The following DLGAP2 variants were observed in gnomAD, a reference collection of about 807,000 sequenced individuals.
The protein encoded by DLGAP2 is disks large-associated protein 2.
In DLGAP2, 26 loss-of-function variants were observed where a neutral mutation model predicts 100.3. The ratio of observed to expected loss-of-function variants is 0.26; its 90% CI spans 0.19 to 0.36. The LOEUF (loss-of-function observed/expected upper bound fraction) is 0.36. DLGAP2 is among the 10% of genes least tolerant of loss of function. The pLI is 1.00. For missense variants in DLGAP2, 1,858 were observed against 1,453.2 expected (o/e 1.28, Z -4.53); for synonymous variants, 886 against 630.1 (o/e 1.41, Z -6.08).
intron 3 of DLGAP2, among the ~76,000 whole-genome samples, chr8:1,334,621 G>A (rs1389768560): frequency 6.6e-6 from 1 of 151,956 alleles, no homozygotes; most frequent in East Asian, 1.9e-4. Flanking sequence ...TGCACCCACC[G>A]TGGGCCATGC....
chr8:1,223,099 G>A (rs761680376), intron 2 of DLGAP2, among the ~76,000 whole-genome samples: 8 of 152,134 alleles, frequency 5.3e-5, no homozygotes, highest in Non-Finnish European at 1.0e-4. Context: ...TCTCCCATAG[G>A]TGGGATCGGG....
chr8:792,211 A>G (rs1051133739), intron 1 of DLGAP2, among the ~76,000 whole-genome samples: 6 of 152,230 alleles, frequency 3.9e-5, no homozygotes, highest in Non-Finnish European at 8.8e-5. Flanking sequence ...TTATTATTTC[A>G]TAAATCACCT....
chr8:1,041,553 A>G (rs1395851565), intron 2 of DLGAP2, among the ~76,000 whole-genome samples: 1,474 of 89,020 alleles, frequency 0.017, no homozygotes, highest in Middle Eastern at 0.056. Flanking sequence ...TGTTCTCCGA[A>G]CCCCTTGCCG....
chr8:1,513,366 T>G (rs1452520730), intron 4 of DLGAP2, among the ~76,000 whole-genome samples: 4 of 107,948 alleles, frequency 3.7e-5, no homozygotes, highest in Admixed American at 9.0e-5. Flanking sequence ...TGGGATACGC[T>G]ACTGCCTTTC....
At chr8:1,224,366 A>G (rs1798374007) in intron 2 of DLGAP2, among the ~76,000 whole-genome samples, 1 of 152,242 alleles carries the variant, frequency 6.6e-6, no homozygotes, top group Non-Finnish European at 1.5e-5. Flanking sequence ...CCAAGCACCA[A>G]GAACAGAGCC....
At chr8:789,096 A>T (rs1182053423) in intron 1 of DLGAP2, among the ~76,000 whole-genome samples, 3 of 152,234 alleles carry the variant, frequency 2.0e-5, no homozygotes. Context: ...CACAAAACAC[A>T]GTCAGAGGTG....
intron 3 of DLGAP2, among the ~76,000 whole-genome samples, chr8:1,457,653 T>C (rs192269867): frequency 1.7e-4 from 26 of 152,260 alleles, no homozygotes; most frequent in African/African-American, 5.8e-4. Flanking sequence ...AGGCAATTTT[T>C]CCTCACTATG....
rs188026856 is a variant in DLGAP2 at position 1,413,127 on chromosome 8, A to G, written c.107-88239A>G. Reference sequence around the variant, plus strand: ...TCTGGAACTCACAGCTTTGTGTTCTATTTGCCCCTCTGTGTTTTCTACTGG... The same window carrying G: ...TCTGGAACTCACAGCTTTGTGTTCTGTTTGCCCCTCTGTGTTTTCTACTGG... On this transcript the variant is annotated intron_variant, in intron 3 of 14. Coordinates refer to ENST00000637795, the MANE Select transcript of DLGAP2 (RefSeq NM_001346810.2). 1.1e-4 allele frequency among the ~76,000 whole-genome samples: 16 copies of G among 152,148 alleles called. No homozygotes were observed. The East Asian group carries it at 1.4e-3, about 13-fold the overall frequency.
Position 1,331,413 on chromosome 8 carries a change from C to T in DLGAP2, c.106+72530C>T, listed in dbSNP as rs74855066. On this transcript the variant is annotated intron_variant, in intron 3 of 14. Coordinates refer to ENST00000637795, the MANE Select transcript of DLGAP2 (RefSeq NM_001346810.2). ...TACGGACTCGAGCCTGAAATGTGTC[C>T]GTCCCTCCCCTTTGCAAACCTGCCC... Among the ~76,000 whole-genome samples the T allele has an allele frequency of 5.6e-4, 85 of 152,134 alleles. 2 individuals carry two copies. In the East Asian group the frequency reaches 0.015, roughly 27 times the overall value.
Position 847,643 on chromosome 8 carries a change from A to T in DLGAP2, c.19-60269A>T, listed in dbSNP as rs145990428. 5.8e-3 allele frequency among the ~76,000 whole-genome samples: 885 copies of T among 152,160 alleles called. 10 individuals carry two copies. Among genetic ancestry groups the T allele is most frequent in the African/African-American group, 0.02 (837 of 41,492 alleles). ...CACCTCAGCCTCCAGAGTAGCTGGG[A>T]CTATAGGCGCACGCAACCACACCTG... On this transcript the variant is annotated intron_variant, in intron 1 of 14. Coordinates refer to ENST00000637795, the MANE Select transcript of DLGAP2 (RefSeq NM_001346810.2).
intron 3 of DLGAP2, among the ~76,000 whole-genome samples, chr8:1,458,152 C>T (rs899295127): frequency 1.3e-5 from 2 of 151,274 alleles, no homozygotes; most frequent in African/African-American, 2.4e-5. Flanking sequence ...GTGATCCACC[C>T]GCCTCGGCCT....
intron 2 of DLGAP2, among the ~76,000 whole-genome samples, chr8:978,918 C>G (rs1222949471): frequency 6.6e-6 from 1 of 152,168 alleles, no homozygotes; most frequent in Non-Finnish European, 1.5e-5. Flanking sequence ...GCAAAAATAA[C>G]TCCGTAATCT....
Position 1,269,932 on chromosome 8 carries a change from C to A in DLGAP2, c.106+11049C>A, listed in dbSNP as rs139216673. On this transcript the variant is annotated intron_variant, in intron 3 of 14. Transcript: ENST00000637795. The stretch of plus-strand genomic sequence containing the variant: ...TAAATCTTCATCTCCTCTTCATGGA[C>A]CGTGGAGAGGCACATGCAGAATCCT... Among the ~76,000 whole-genome samples, 3 of 152,200 alleles carry A rather than the reference C, an allele frequency of 2.0e-5. No homozygotes were observed. The East Asian group carries it at 5.8e-4, about 29-fold the overall frequency.
At chr8:1,575,215 T>C (rs900593306) in intron 6 of DLGAP2, among the ~76,000 whole-genome samples, 2 of 152,142 alleles carry the variant, frequency 1.3e-5, no homozygotes, top group African/African-American at 4.8e-5. Flanking sequence ...TTGGCGATTG[T>C]GAGCAGTGCT....
chr8:1,163,016 G>A (rs979233303), intron 2 of DLGAP2, among the ~76,000 whole-genome samples: 1 of 152,206 alleles, frequency 6.6e-6, no homozygotes, highest in Admixed American at 6.5e-5. Context: ...TGGGAGCTTT[G>A]GTGTTTGGTG....
At chr8:1,157,767 T>G (rs1796818750) in intron 2 of DLGAP2, among the ~76,000 whole-genome samples, 1 of 152,222 alleles carries the variant, frequency 6.6e-6, no homozygotes, top group Admixed American at 6.5e-5. Flanking sequence ...AGCTTCGTCA[T>G]TTGAAAAGCC....
At chr8:1,673,552 C>T (rs184707990) in intron 10 of DLGAP2, among the ~76,000 whole-genome samples, 143 of 152,252 alleles carry the variant, frequency 9.4e-4, no homozygotes, top group Non-Finnish European at 1.7e-3. Context: ...TCATCATATG[C>T]GTGTGCCTTT....
chr8:1,380,541 C>T (rs960605545), intron 3 of DLGAP2, among the ~76,000 whole-genome samples: 14 of 152,060 alleles, frequency 9.2e-5, no homozygotes, highest in Non-Finnish European at 1.8e-4. Context: ...AGAAAGTGTG[C>T]GGGCCTTTTG....
At chr8:1,527,022 T>A (rs542136018) in intron 4 of DLGAP2, among the ~76,000 whole-genome samples, 1 of 151,538 alleles carries the variant, frequency 6.6e-6, no homozygotes, top group Non-Finnish European at 1.5e-5. Context: ...TCGTCTACAT[T>A]GCAGGCTCAC....
Sources: allele counts gnomAD v4.1 joint callset (sites outside exome capture counted in the v4.1 genomes callset), GRCh38; gene constraint gnomAD v4.1.1; transcripts MANE v1.5; gene names NCBI Gene and HGNC (gene_info 2026-07-23, HGNC 2026-07-21).